PRDM16: variants seen among roughly 807,000 people sequenced by gnomAD.
PRDM16 encodes histone-lysine N-methyltransferase PRDM16.
A neutral mutation model predicts 110.6 loss-of-function variants in PRDM16; 23 were observed. That is an observed-to-expected ratio of 0.21 (90% confidence interval 0.15 to 0.29). PRDM16 has a LOEUF of 0.29. Among genes scored for constraint, PRDM16 ranks in the 10% least tolerant of loss-of-function variants. PRDM16 has a pLI of 1.00. For missense variants in PRDM16, 1,615 were observed against 1,794.3 expected (o/e 0.90, Z 1.81); for synonymous variants, 799 against 781.8 (o/e 1.02, Z -0.37).
chr1:3,421,574 G>A (rs1638431143), intron 12 of PRDM16, among the ~76,000 whole-genome samples: 2 of 152,158 alleles, frequency 1.3e-5, no homozygotes, highest in Non-Finnish European at 2.9e-5. Context: ...TCTCTGTCTG[G>A]GCCATTTATT....
In PRDM16 at chr1:3,072,614, G is replaced by A. The variant is rs541965120; in HGVS notation, c.37+3318G>A. On this transcript the variant is annotated intron_variant, in intron 1 of 16. Transcript: ENST00000270722. ...CAGTTCACAGCCTCCTTCCTTCTTC[G>A]TAGAAACAGGCCAGGCTGGCTGGGC... 4.6e-5 allele frequency among the ~76,000 whole-genome samples: 7 copies of A among 152,218 alleles called. No individual in the cohort carries two copies. In the East Asian group the frequency reaches 5.8e-4, roughly 13 times the overall value.
At chr1:3,146,880 G>C (rs1189200641) in intron 1 of PRDM16, among the ~76,000 whole-genome samples, 1 of 115,582 alleles carries the variant, frequency 8.7e-6, no homozygotes, top group Non-Finnish European at 1.7e-5. Context: ...CGTGTGTTTG[G>C]TGTGGGGTGT....
chr1:3,298,795 C>T (rs916737847), intron 3 of PRDM16, among the ~76,000 whole-genome samples: 4 of 152,152 alleles, frequency 2.6e-5, no homozygotes, highest in African/African-American at 9.7e-5. Context: ...GACCAAGGGG[C>T]CGTAGACCAA....
chr1:3,340,919 C>G (rs1326821922), intron 3 of PRDM16, among the ~76,000 whole-genome samples: 1 of 152,166 alleles, frequency 6.6e-6, no homozygotes, highest in Non-Finnish European at 1.5e-5. Flanking sequence ...ACAGAGCTGG[C>G]TGGAGTCCTC....
chr1:3,356,899 G>C (rs1018277595), intron 3 of PRDM16, among the ~76,000 whole-genome samples: 3 of 152,194 alleles, frequency 2.0e-5, no homozygotes, highest in Non-Finnish European at 4.4e-5. Context: ...CCGGATCCCG[G>C]CAGCGGGAGG....
intron 1 of PRDM16, among the ~76,000 whole-genome samples, chr1:3,082,058 A>G (rs1005552635): frequency 1.3e-5 from 2 of 152,212 alleles, no homozygotes; most frequent in Admixed American, 1.3e-4. Context: ...GCCAGCCTCC[A>G]GCCTCAGAGG....
intron 3 of PRDM16, among the ~76,000 whole-genome samples, chr1:3,292,505 C>T (rs750687797): frequency 2.5e-4 from 38 of 152,354 alleles, no homozygotes; most frequent in Admixed American, 6.5e-5. Context: ...CAGCGTCCCC[C>T]GAGTGCTGAA....
rs927637905 is a variant in PRDM16 at position 3,382,823 on chromosome 1, C to T, written c.439-2329C>T. 2.0e-5 allele frequency among the ~76,000 whole-genome samples: 3 copies of T among 152,204 alleles called. No homozygotes were observed. The highest frequency in any genetic ancestry group is 4.4e-5 in the Non-Finnish European group (3 of 68,016). ...TGGGTGAGCACCAGCCCTCAGCCCA[C>T]AGGCACTGTGTACAATGTGCTGTGA... On this transcript the variant is annotated intron_variant, in intron 3 of 16. Coordinates refer to ENST00000270722, the MANE Select transcript of PRDM16 (RefSeq NM_022114.4). The surrounding 1 kb of genome is among the most constrained non-coding windows in gnomAD (Gnocchi z 6.6).
chr1:3,283,634 C>A (rs1323171379), intron 3 of PRDM16, among the ~76,000 whole-genome samples: 2 of 152,128 alleles, frequency 1.3e-5, no homozygotes, highest in African/African-American at 2.4e-5. Context: ...GTTACGGGGA[C>A]CAGACCTCAA....
At chr1:3,181,723 TACAC>T (rs1644201717) in intron 1 of PRDM16, among the ~76,000 whole-genome samples, 28 of 85,360 alleles carry the variant, frequency 3.3e-4, no homozygotes, top group Non-Finnish European at 6.5e-4. Flanking sequence ...CACGCAGTCT[TACAC>T]ACGGTCTTAC....
chr1:3,114,185 G>GCACGCGCGCACACGCACGCA (rs1557455915), intron 1 of PRDM16, among the ~76,000 whole-genome samples: 1 of 80,310 alleles, frequency 1.2e-5, no homozygotes, highest in African/African-American at 5.0e-5. Flanking sequence ...GCACACACAC[G>GCACGCGCGCACACGCACGCA]CACACACGCA....
At chr1:3,134,064 G>A (rs1400275677) in intron 1 of PRDM16, among the ~76,000 whole-genome samples, 2 of 152,208 alleles carry the variant, frequency 1.3e-5, no homozygotes, top group African/African-American at 4.8e-5. Flanking sequence ...GTCCAGTTGT[G>A]TCACGAGTGG....
intron 3 of PRDM16, among the ~76,000 whole-genome samples, chr1:3,374,473 A>G (rs1642958762): frequency 6.6e-6 from 1 of 152,182 alleles, no homozygotes; most frequent in Admixed American, 6.5e-5. Flanking sequence ...CCCTGGACAC[A>G]CGTGTCCCCA....
chr1:3,112,867 C>G (rs1642828678), intron 1 of PRDM16, among the ~76,000 whole-genome samples: 1 of 152,260 alleles, frequency 6.6e-6, no homozygotes, highest in Non-Finnish European at 1.5e-5. Context: ...CCAGCCCCAT[C>G]ATCCTCCTGT....
intron 1 of PRDM16, among the ~76,000 whole-genome samples, chr1:3,121,779 G>A (rs866270176): frequency 3.3e-5 from 5 of 152,286 alleles, no homozygotes; most frequent in Middle Eastern, 6.8e-3. Context: ...CTGCGGGGCC[G>A]GCCAGGCCTC....
chr1:3,414,364 G>A (rs1432098138), intron 9 of PRDM16, among the ~76,000 whole-genome samples, 196 bp from the exon 10 acceptor site: 1 of 152,144 alleles, frequency 6.6e-6, no homozygotes, highest in East Asian at 1.9e-4. Context: ...TAGGGGTGCA[G>A]GTGGGCTGGG....
intron 3 of PRDM16, among the ~76,000 whole-genome samples, chr1:3,310,374 A>T (rs1156743906): frequency 1.3e-5 from 2 of 152,028 alleles, no homozygotes; most frequent in Non-Finnish European, 2.9e-5. Flanking sequence ...CCGCCCCTGA[A>T]GCGCCCTCCC....
intron 1 of PRDM16, among the ~76,000 whole-genome samples, chr1:3,114,621 CAT>C (rs1278339507): frequency 4.8e-5 from 7 of 144,622 alleles, no homozygotes; most frequent in Admixed American, 4.2e-4. Context: ...TGCATACACA[CAT>C]GAACACACAC....
intron 3 of PRDM16, among the ~76,000 whole-genome samples, chr1:3,364,398 C>T (rs531805406): frequency 2.0e-5 from 3 of 152,272 alleles, no homozygotes; most frequent in South Asian, 4.1e-4. Context: ...CAAAAGTGCC[C>T]GACAAGGAGC....
Sources: allele counts gnomAD v4.1 joint callset (sites outside exome capture counted in the v4.1 genomes callset), GRCh38; gene constraint gnomAD v4.1.1; non-coding constraint Gnocchi (gnomAD v3.1); transcripts MANE v1.5; gene names NCBI Gene and HGNC (gene_info 2026-07-23, HGNC 2026-07-21).